Variants in PTCHD4 observed in about 807,000 individuals in gnomAD.
PTCHD4 encodes patched domain containing 4, also known as patched domain-containing protein 4.
PTCHD4 carries 33 observed loss-of-function variants against 58.1 expected under a neutral mutation model. The ratio of observed to expected loss-of-function variants is 0.57; its 90% confidence interval spans 0.43 to 0.76. PTCHD4 has a LOEUF of 0.76. Among genes scored for constraint, PTCHD4 ranks in the 30% least tolerant of loss-of-function variants. The pLI is 0.00. For synonymous variants in PTCHD4, 478 were observed against 409.6 expected (o/e 1.17, Z -2.02); for missense variants, 1,058 against 1,027.1 (o/e 1.03, Z -0.41).
In PTCHD4 at chr6:48,068,360, C is replaced by T. The variant is rs1764873034; in HGVS notation, c.287G>A (p.Ser96Asn). ...SSLFPLDQSK[S>N]QLYSDLHTPG... is the part of the protein sequence containing the mutation. ...GGTGTGTAAGTCCGAATAGAGCTGG[C>T]TTTTGGACTGGTCCAGGGGGAAAAG... Residue 96 changes from serine to asparagine, a missense_variant, in exon 3 of 5, where the codon AGC becomes AAC. Transcript: ENST00000339488. This position sits in a 1 kb window ranked among gnomAD's most constrained non-coding sequence, Gnocchi z 4.2. 1.9e-6 allele frequency: 3 copies of T among 1,613,976 alleles called. No homozygotes were observed. The highest frequency in any genetic ancestry group is 2.5e-6 in the Non-Finnish European group (3 of 1,179,882).
intron 4 of PTCHD4, among the ~76,000 whole-genome samples, chr6:47,930,560 C>T (rs1352864300): frequency 2.0e-5 from 3 of 152,082 alleles, no homozygotes; most frequent in Non-Finnish European, 2.9e-5. Context: ...AGGAGATTTA[C>T]TTTCCAGAAA....
At chr6:47,970,269 G>A (rs1015876792) in intron 4 of PTCHD4, among the ~76,000 whole-genome samples, 4 of 152,026 alleles carry the variant, frequency 2.6e-5, no homozygotes, top group South Asian at 2.1e-4. Context: ...AAATATAAAC[G>A]TCATTAAAAA....
intron 1 of PTCHD4, among the ~76,000 whole-genome samples, chr6:48,103,422 G>T (rs1377449031): frequency 1.3e-5 from 2 of 152,156 alleles, no homozygotes; most frequent in Non-Finnish European, 2.9e-5. Flanking sequence ...CTAAAAAACA[G>T]AAAGGACATC....
chr6:48,072,725 C>T (rs1764997431), intron 1 of PTCHD4, among the ~76,000 whole-genome samples: 1 of 152,084 alleles, frequency 6.6e-6, no homozygotes, highest in Non-Finnish European at 1.5e-5. Flanking sequence ...TAACTATCTG[C>T]ATCTATATTA....
rs1002875428 is a variant in PTCHD4, at chr6:47,857,811, C to T, written c.*20492G>A. ...AGGTATTAAACATACAAATGATTGG[C>T]ATTAAACATTCTTTTTACAAGCTGG... On this transcript the variant is annotated 3_prime_UTR_variant, in exon 5 of 5. Coordinates refer to ENST00000339488, the MANE Select transcript of PTCHD4 (RefSeq NM_001384253.1). Among the ~76,000 whole-genome samples, 1 of 151,946 alleles carries T rather than the reference C, an allele frequency of 6.6e-6. No homozygotes were observed. The highest frequency in any genetic ancestry group is 6.6e-5 in the Admixed American group (1 of 15,212).
intron 4 of PTCHD4, among the ~76,000 whole-genome samples, chr6:47,930,326 C>G (rs141120016): frequency 6.6e-6 from 1 of 152,212 alleles, no homozygotes; most frequent in African/African-American, 2.4e-5. Flanking sequence ...ATGAAAATTT[C>G]GTTTTGTATA....
intron 4 of PTCHD4, among the ~76,000 whole-genome samples, chr6:47,958,474 C>T (rs114991644): frequency 6.6e-6 from 1 of 152,188 alleles, no homozygotes; most frequent in South Asian, 2.1e-4. Context: ...ATGACGTGAA[C>T]CCTGCCATTA....
At chr6:47,980,287 CATTT>C (rs1767832946) in intron 4 of PTCHD4, among the ~76,000 whole-genome samples, 1 of 151,970 alleles carries the variant, frequency 6.6e-6, no homozygotes, top group African/African-American at 2.4e-5. Context: ...TTTTTATATT[CATTT>C]GTTTATATGC....
chr6:48,000,621 T>A (rs992180821), intron 4 of PTCHD4, among the ~76,000 whole-genome samples: 5 of 152,192 alleles, frequency 3.3e-5, no homozygotes, highest in Admixed American at 2.0e-4. Flanking sequence ...AGCTGATGAC[T>A]GGCTTCATAT....
chr6:47,921,980 A>T (rs2113887414), intron 4 of PTCHD4, among the ~76,000 whole-genome samples: 1 of 149,974 alleles, frequency 6.7e-6, no homozygotes, highest in African/African-American at 2.4e-5. Flanking sequence ...AGAAAAGAAA[A>T]GAAAAGAAAC....
At chr6:48,030,551 C>G (rs1763397194) in intron 3 of PTCHD4, among the ~76,000 whole-genome samples, 1 of 152,102 alleles carries the variant, frequency 6.6e-6, no homozygotes, top group Non-Finnish European at 1.5e-5. Flanking sequence ...AACTCCAAGT[C>G]AATCACCATC....
chr6:47,899,576 T>C (rs2114143223), intron 4 of PTCHD4: 1 of 983,626 alleles, frequency 1.0e-6, no homozygotes, highest in Non-Finnish European at 1.2e-6. Context: ...GCAAATGAAG[T>C]AGAAAAAAAG....
rs796671531 is a variant in PTCHD4 at position 48,016,173 on chromosome 6, AAG to A, written c.418-7061_418-7060del. On this transcript the variant is annotated intron_variant, in intron 3 of 4. Transcript: ENST00000339488. ...GGGGGACTTAGGGAGTGCCAGAAAAAAGAATTTGCATGTATCATGGCCCGCAG... is the reference window on the plus strand; with the variant it reads ...GGGGGACTTAGGGAGTGCCAGAAAAAAATTTGCATGTATCATGGCCCGCAG... Among the ~76,000 whole-genome samples the A allele has an allele frequency of 1.0e-3, 156 of 152,102 alleles. 2 individuals are homozygous for A. The highest frequency in any genetic ancestry group is 3.5e-3 in the African/African-American group (146 of 41,372).
intron 4 of PTCHD4, among the ~76,000 whole-genome samples, chr6:47,927,709 G>A (rs1336102250): frequency 6.6e-6 from 1 of 151,968 alleles, no homozygotes; most frequent in African/African-American, 2.4e-5. Flanking sequence ...TTTTAAATAT[G>A]AGAATATTGG....
In PTCHD4 at chr6:47,876,196, C is replaced by T. The variant is rs929311227; in HGVS notation, c.*2107G>A. On this transcript the variant is annotated 3_prime_UTR_variant, in exon 5 of 5. Coordinates refer to ENST00000339488, the MANE Select transcript of PTCHD4 (RefSeq NM_001384253.1). ...TACCAAATACCAGTTCATTCTAGTACAGCAGTTCATGAGGCAAAAGGCTAG... is the reference window on the plus strand; with the variant it reads ...TACCAAATACCAGTTCATTCTAGTATAGCAGTTCATGAGGCAAAAGGCTAG... Among the ~76,000 whole-genome samples, 22 of 151,736 alleles carry T rather than the reference C, an allele frequency of 1.4e-4. No homozygotes were observed. Among genetic ancestry groups the T allele is most frequent in the African/African-American group, 5.3e-4 (22 of 41,366 alleles).
chr6:48,096,796 G>T (rs539560376), intron 1 of PTCHD4, among the ~76,000 whole-genome samples: 1 of 151,918 alleles, frequency 6.6e-6, no homozygotes, highest in Non-Finnish European at 1.5e-5. Flanking sequence ...CTTTTGCATT[G>T]AAGTATATAA....
chr6:48,014,566 A>T (rs2114097126), intron 3 of PTCHD4, among the ~76,000 whole-genome samples: 1 of 152,272 alleles, frequency 6.6e-6, no homozygotes, highest in African/African-American at 2.4e-5. Flanking sequence ...TGGTTTTCTT[A>T]TCTATAAAAT....
chr6:48,108,011 A>T (rs575337172), intron 1 of PTCHD4, among the ~76,000 whole-genome samples: 1 of 152,250 alleles, frequency 6.6e-6, no homozygotes, highest in Non-Finnish European at 1.5e-5. Context: ...TGGGACTGTA[A>T]ACTAGTTCAA....
chr6:48,007,564 A>G (rs931983122), intron 4 of PTCHD4, among the ~76,000 whole-genome samples: 6 of 152,348 alleles, frequency 3.9e-5, no homozygotes, highest in Admixed American at 1.3e-4. Flanking sequence ...ATTACAATCC[A>G]GCATCAGGAG....
Sources: gnomAD v4.1 joint callset for allele counts (sites outside exome capture counted in the v4.1 genomes callset) on GRCh38, gnomAD v4.1.1 for gene constraint, Gnocchi (gnomAD v3.1) non-coding constraint, MANE v1.5 for transcripts, NCBI Gene and HGNC (gene_info 2026-07-23, HGNC 2026-07-21) for gene names.